Variants in RADIL observed in about 807,000 individuals in gnomAD.
RADIL encodes the protein ras-associating and dilute domain-containing protein.
A neutral mutation model predicts 97.6 loss-of-function variants in RADIL; 99 were observed. The observed-to-expected ratio is 1.01, with a 90% confidence interval of 0.86 to 1.20. The LOEUF is 1.20. RADIL is among the 50% of genes most tolerant of loss of function. RADIL has a pLI of 0.00. For synonymous variants in RADIL, 803 were observed against 691.8 expected, an observed-to-expected ratio of 1.16 and a Z score of -2.52; for missense variants, 1,765 against 1,498.9, an observed-to-expected ratio of 1.18 and a Z score of -2.93.
rs554426071 is a variant in RADIL at position 4,822,687 on chromosome 7, C to T, written c.1455-133G>A. 1.4e-4 allele frequency: 143 copies of T among 1,057,686 alleles called. 1 individual carries two copies. The African/African-American group carries it at 2.2e-3, about 16-fold the overall frequency. 65.5% of individuals were successfully genotyped at this position (1,057,686 alleles called of 1,614,324 possible). A position where few individuals can be genotyped will look rare whatever the true frequency, so the allele number is the denominator to read the frequency against. ...AACTGCAACCATCAACCTGACACTG[C>T]TGGGCGGGGACGTTTAACAATACGT... On this transcript the variant is annotated intron_variant, in intron 5 of 14. Coordinates refer to ENST00000399583, the MANE Select transcript of RADIL (RefSeq NM_018059.5). The surrounding 1 kb of genome is among the most constrained non-coding windows in gnomAD (Gnocchi z 5.3).
chr7:4,802,065 C>A, intron 11 of RADIL, 70 bp from the exon 12 acceptor site: 1 of 1,306,810 alleles, frequency 7.7e-7, no homozygotes, highest in Non-Finnish European at 1.0e-6. Flanking sequence ...GGCAACTGGG[C>A]AGCCTGCAGC....
At chr7:4,826,638 C>G (rs1002682015) in intron 5 of RADIL, among the ~76,000 whole-genome samples, 1 of 150,704 alleles carries the variant, frequency 6.6e-6, no homozygotes, top group Non-Finnish European at 1.5e-5. Flanking sequence ...GAGGCTGAGG[C>G]ATGAGAATCG....
chr7:4,819,728 T>G lies in RADIL; in HGVS notation c.1616-2377A>C, dbSNP rs1454715838. Among the ~76,000 whole-genome samples the G allele has an allele frequency of 6.6e-6, 1 of 151,914 alleles. No homozygotes were observed. Among genetic ancestry groups the G allele is most frequent in the African/African-American group, 2.4e-5 (1 of 41,326 alleles). On this transcript the variant is annotated intron_variant, in intron 6 of 14. Coordinates refer to ENST00000399583, the MANE Select transcript of RADIL (RefSeq NM_018059.5). This position sits in a 1 kb window ranked among gnomAD's most constrained non-coding sequence, Gnocchi z 5.8. ...TCCCACAGACATTTCCTGCAGAGGG[T>G]CGGGAGGCTGACGGGGCTCTGCCCC...
intron 10 of RADIL, 157 bp downstream of exon 10, chr7:4,805,406 GGGC>G (rs200491811): frequency 0.019 from 11,379 of 613,722 alleles, 527 homozygotes; most frequent in African/African-American, 0.16. Flanking sequence ...GGATGGGGCG[GGGC>G]GGGGGGGTCC....
chr7:4,870,836 C>T (rs1164330293), intron 2 of RADIL, among the ~76,000 whole-genome samples: 1 of 152,164 alleles, frequency 6.6e-6, no homozygotes, highest in South Asian at 2.1e-4. Flanking sequence ...CCTTATGGAA[C>T]GTAGCTGGAC....
intron 9 of RADIL, among the ~76,000 whole-genome samples, chr7:4,808,017 TCTCC>T (rs1317986646): frequency 5.5e-5 from 3 of 54,132 alleles, no homozygotes; most frequent in Non-Finnish European, 9.9e-5. Context: ...CTCCCTCTCC[TCTCC>T]CTCCATCTTT....
rs546496597 is a variant in RADIL at position 4,834,543 on chromosome 7, G to A, written c.1416+64C>T. On this transcript the variant is annotated intron_variant, in intron 4 of 14. Coordinates refer to ENST00000399583, the MANE Select transcript of RADIL (RefSeq NM_018059.5). The surrounding 1 kb of genome is among the most constrained non-coding windows in gnomAD (Gnocchi z 6.0). ...CGCTCCCGCCTCCCAGCCGGGGCCA[G>A]CTCCGGGCCCCCTCTTCCCCCAGAC... 17 of 1,284,900 alleles carry A rather than the reference G, an allele frequency of 1.3e-5. No individual in the cohort carries two copies. In the East Asian group the frequency reaches 3.5e-4, roughly 27 times the overall value. 79.6% of individuals were successfully genotyped at this position (1,284,900 alleles called of 1,614,324 possible).
chr7:4,816,312 C>A lies in RADIL; in HGVS notation c.1882G>T (p.Val628Leu), dbSNP rs200288339. The change falls in exon 8 of 15, where the codon GTG (valine) becomes TTG (leucine). Residue 628 changes from valine to leucine, a missense_variant. Transcript: ENST00000399583. The part of the protein sequence containing the change: ...AALDLLRQLQ[V>L]HPEVASQMLA... ...ATCTGCGAGGCCACCTCGGGGTGCA[C>A]CTGCAGCTGCCGCAGGAGGTCCAGG... The A allele has an allele frequency of 1.2e-6, 2 of 1,612,326 alleles. No individual in the cohort carries two copies. The highest frequency in any genetic ancestry group is 1.3e-5 in the African/African-American group (1 of 75,042).
intron 9 of RADIL, among the ~76,000 whole-genome samples, chr7:4,807,285 C>T (rs1300282465): frequency 1.3e-5 from 2 of 152,028 alleles, no homozygotes; most frequent in African/African-American, 4.8e-5. Flanking sequence ...TCCTCCAACA[C>T]CACCGGCCCC....
At chr7:4,807,016 G>A (rs953286079) in intron 9 of RADIL, among the ~76,000 whole-genome samples, 29 of 152,222 alleles carry the variant, frequency 1.9e-4, no homozygotes, top group African/African-American at 6.5e-4. Flanking sequence ...CCACCTCAAT[G>A]CGTGGCTCTG....
rs1231797205 is a variant in RADIL at position 4,821,891 on chromosome 7, C to T, written c.1615+503G>A. On this transcript the variant is annotated intron_variant, in intron 6 of 14. Transcript: ENST00000399583. The surrounding 1 kb of genome is among the most constrained non-coding windows in gnomAD (Gnocchi z 5.2). ...AAAGAAATCCCGAAATGTGTATTTC[C>T]CACATCTTAATCTGTGAAACCGACA... 6.6e-6 allele frequency among the ~76,000 whole-genome samples: 1 copy of T among 152,062 alleles called. No homozygotes were observed. Among genetic ancestry groups the T allele is most frequent in the Non-Finnish European group, 1.5e-5 (1 of 68,020 alleles).
Position 4,817,398 on chromosome 7 carries a change from A to C in RADIL, c.1616-47T>G. On this transcript the variant is annotated intron_variant, in intron 6 of 14. Coordinates refer to ENST00000399583, the MANE Select transcript of RADIL (RefSeq NM_018059.5). This position sits in a 1 kb window ranked among gnomAD's most constrained non-coding sequence, Gnocchi z 8.3. Reference sequence around the variant, plus strand: ...AATGGTCACAACGGGCACAGCGCTCAGGAACGCAGCAACTCAGCCAGCCGC... The same window carrying C: ...AATGGTCACAACGGGCACAGCGCTCCGGAACGCAGCAACTCAGCCAGCCGC... 2 of 1,537,850 alleles carry C rather than the reference A, an allele frequency of 1.3e-6. No individual in the cohort carries two copies. The highest frequency in any genetic ancestry group is 1.8e-6 in the Non-Finnish European group (2 of 1,127,170).
chr7:4,825,340 G>A (rs1297526590), intron 5 of RADIL, among the ~76,000 whole-genome samples: 2 of 152,198 alleles, frequency 1.3e-5, no homozygotes, highest in Admixed American at 6.5e-5. Flanking sequence ...GAACCAAGGC[G>A]ATGGAAACAC....
chr7:4,877,694 G>A lies in RADIL; in HGVS notation c.446C>T (p.Pro149Leu). 6.2e-7 allele frequency: 1 copy of A among 1,614,144 alleles called. No homozygotes were observed. The highest frequency in any genetic ancestry group is 8.5e-7 in the Non-Finnish European group (1 of 1,180,036). Residue 149 changes from proline (P) to leucine (L), a missense_variant, in exon 2 of 15, where the codon CCC becomes CTC. By Grantham distance (98) the Pro-to-Leu change is moderately conservative. Coordinates refer to ENST00000399583, the MANE Select transcript of RADIL (RefSeq NM_018059.5). The part of the protein sequence containing the change: ...KPLLIQELWK[P>L]REGLSRRFEL... ...AAACCTCCGGGATAAACCTTCTCGGGGTTTCCATAATTCCTGGATCAAGAG... is the reference window on the plus strand; with the variant it reads ...AAACCTCCGGGATAAACCTTCTCGGAGTTTCCATAATTCCTGGATCAAGAG...
At chr7:4,860,090 T>C (rs756393004) in intron 2 of RADIL, 11 of 1,613,918 alleles carry the variant, frequency 6.8e-6, no homozygotes, top group African/African-American at 4.0e-5. Flanking sequence ...CAAGGAAAAT[T>C]CAGTAGCCTG....
In RADIL at chr7:4,883,163, T is replaced by G. The variant is rs1784519941; in HGVS notation, c.-65+433A>C. On this transcript the variant is annotated intron_variant, in intron 1 of 14. Coordinates refer to ENST00000399583, the MANE Select transcript of RADIL (RefSeq NM_018059.5). This position sits in a 1 kb window ranked among gnomAD's most constrained non-coding sequence, Gnocchi z 7.1. The stretch of plus-strand genomic sequence containing the variant: ...CCAGGTGGGAGAGCGCGCGGAACCC[T>G]GCGCCCCGCTCCCCCGCTGCGCCCC... Among the ~76,000 whole-genome samples the G allele has an allele frequency of 6.6e-6, 1 of 152,068 alleles. No individual in the cohort carries two copies. The highest frequency in any genetic ancestry group is 1.9e-4 in the East Asian group (1 of 5,192).
Position 4,861,323 on chromosome 7 carries a change from T to A in RADIL, c.535+16282A>T, listed in dbSNP as rs766522122. 6.2e-6 allele frequency: 10 copies of A among 1,613,880 alleles called. No individual in the cohort carries two copies. The Admixed American group carries it at 1.3e-4, about 22-fold the overall frequency. ...AAATAAAATATCAATCTCTATCCCA[T>A]CAAAACACAGTTTGATAACTGGCAC... On this transcript the variant is annotated intron_variant, in intron 2 of 14. Transcript: ENST00000399583.
chr7:4,882,018 T>G (rs1313864910), intron 1 of RADIL: 5 of 151,506 alleles, frequency 3.3e-5, no homozygotes, highest in African/African-American at 9.7e-5. Context: ...AGCAGTATCA[T>G]GAAACAGGAG....
rs1459668066 is a variant in RADIL at position 4,813,520 on chromosome 7, C to T, written c.2139+1758G>A. Among the ~76,000 whole-genome samples the T allele has an allele frequency of 6.6e-6, 1 of 152,240 alleles. No homozygotes were observed. Among genetic ancestry groups the T allele is most frequent in the Non-Finnish European group, 1.5e-5 (1 of 68,042 alleles). On this transcript the variant is annotated intron_variant, in intron 9 of 14. Coordinates refer to ENST00000399583, the MANE Select transcript of RADIL (RefSeq NM_018059.5). The surrounding 1 kb of genome is among the most constrained non-coding windows in gnomAD (Gnocchi z 5.0). ...TGAAGTCTCTGAGCTTGCCTCCCTC[C>T]TGTGAGATGGCCAGTGCTGTGCTGT... is the stretch of plus-strand genomic sequence containing the variant.
Sources: allele counts gnomAD v4.1 joint callset (sites outside exome capture counted in the v4.1 genomes callset), GRCh38; gene constraint gnomAD v4.1.1; non-coding constraint Gnocchi (gnomAD v3.1); transcripts MANE v1.5; gene names NCBI Gene and HGNC (gene_info 2026-07-23, HGNC 2026-07-21).